ATP8A2: variants seen among roughly 807,000 people sequenced by gnomAD.
ATP8A2 encodes phospholipid-transporting ATPase IB.
A neutral mutation model predicts 165.6 loss-of-function variants in ATP8A2; 100 were observed. That is an observed-to-expected ratio of 0.60 (90% CI 0.51 to 0.71). The LOEUF is 0.71. ATP8A2 is among the 30% of genes least tolerant of loss of function. ATP8A2 has a pLI of 0.00. For missense variants in ATP8A2, 1,227 were observed against 1,479.5 expected, an observed-to-expected ratio of 0.83 and a Z score of 2.80; for synonymous variants, 543 against 548.8, an observed-to-expected ratio of 0.99 and a Z score of 0.15.
At position 25,816,677 on chromosome 13, in the gene ATP8A2, G is replaced by C. The variant is rs1022753103; in HGVS notation, c.2680-11441G>C. On this transcript the variant is annotated intron_variant, in intron 27 of 36. Coordinates refer to ENST00000381655, the MANE Select transcript of ATP8A2 (RefSeq NM_016529.6). ...ATAGCACAGAGCAAAACTTGAAGCA[G>C]GGCCTTAGTAAACAGTTCAGTAACT... Among the ~76,000 whole-genome samples the C allele has an allele frequency of 2.6e-5, 4 of 152,328 alleles. No homozygotes were observed. In the East Asian group the frequency reaches 7.7e-4, roughly 29 times the overall value.
intron 30 of ATP8A2, among the ~76,000 whole-genome samples, chr13:25,848,680 G>A (rs9581464): frequency 0.14 from 22,033 of 152,094 alleles, 1,780 homozygotes; most frequent in Non-Finnish European, 0.18. Flanking sequence ...AGCTTCACCC[G>A]GCAGCGCTGG....
At chr13:25,691,916 A>G (rs1038730197) in intron 24 of ATP8A2, among the ~76,000 whole-genome samples, 7 of 152,240 alleles carry the variant, frequency 4.6e-5, no homozygotes, top group Non-Finnish European at 1.5e-5. Flanking sequence ...GTTTACACTC[A>G]TTAAGTTCTA....
intron 25 of ATP8A2, among the ~76,000 whole-genome samples, chr13:25,739,503 T>A (rs1232443781): frequency 2.0e-5 from 3 of 152,234 alleles, no homozygotes; most frequent in Non-Finnish European, 2.9e-5. Flanking sequence ...AGGTTTTCTC[T>A]TTTTATTTTT....
chr13:25,573,138 T>C (rs2039515296), intron 18 of ATP8A2, among the ~76,000 whole-genome samples: 1 of 152,318 alleles, frequency 6.6e-6, no homozygotes, highest in Non-Finnish European at 1.5e-5. Context: ...TGAGGTCTTT[T>C]TCCCCCCTTC....
intron 33 of ATP8A2, among the ~76,000 whole-genome samples, chr13:25,899,726 G>A (rs1953676878): frequency 1.3e-5 from 2 of 152,290 alleles, no homozygotes; most frequent in South Asian, 2.1e-4. Flanking sequence ...GAAGAGCAGA[G>A]GGGTGCACGG....
intron 2 of ATP8A2, among the ~76,000 whole-genome samples, chr13:25,475,679 T>C (rs2035973870): frequency 6.6e-6 from 1 of 152,202 alleles, no homozygotes; most frequent in Non-Finnish European, 1.5e-5. Context: ...CACCAGCGTA[T>C]GTTATATTTT....
rs115926617 is a variant in ATP8A2 at position 25,842,839 on chromosome 13, G to A, written c.2956+3215G>A. Among the ~76,000 whole-genome samples the A allele has an allele frequency of 4.7e-3, 720 of 152,296 alleles. 4 individuals are homozygous for A. The highest frequency in any genetic ancestry group is 0.016 in the African/African-American group (683 of 41,574). ...ACTGTTTAGGCATTGAAGGGTCAGT[G>A]TAGAATTTAGATCTAGAATTTTATG... On this transcript the variant is annotated intron_variant, in intron 30 of 36. Transcript: ENST00000381655.
chr13:25,614,578 G>A lies in ATP8A2; in HGVS notation c.2211+24879G>A, dbSNP rs150770756. ...TCTTTTGGAGGTGTTAAAGGACATC[G>A]TTTTGTCATATTACCTGAACTATTT... On this transcript the variant is annotated intron_variant, in intron 24 of 36. Coordinates refer to ENST00000381655, the MANE Select transcript of ATP8A2 (RefSeq NM_016529.6). Among the ~76,000 whole-genome samples, 301 of 152,138 alleles carry A rather than the reference G, an allele frequency of 2.0e-3. 1 individual carries two copies. The highest frequency in any genetic ancestry group is 3.3e-3 in the Non-Finnish European group (227 of 68,006).
intron 24 of ATP8A2, among the ~76,000 whole-genome samples, chr13:25,647,638 C>A (rs974312630): frequency 6.6e-6 from 1 of 151,814 alleles, no homozygotes; most frequent in East Asian, 1.9e-4. Context: ...TTGGCACTTT[C>A]CCCCCAGTAA....
intron 35 of ATP8A2, among the ~76,000 whole-genome samples, chr13:25,987,449 C>A (rs1380027989): frequency 6.6e-6 from 1 of 152,198 alleles, no homozygotes. Flanking sequence ...TGGAAGATGG[C>A]AAGGTTCTTG....
At chr13:25,646,165 G>A (rs2041665385) in intron 24 of ATP8A2, among the ~76,000 whole-genome samples, 1 of 152,060 alleles carries the variant, frequency 6.6e-6, no homozygotes, top group Admixed American at 6.6e-5. Context: ...ATTATATAAT[G>A]TCCTTCTTTG....
chr13:25,635,382 A>G lies in ATP8A2; in HGVS notation c.2211+45683A>G, dbSNP rs778742646. Among the ~76,000 whole-genome samples the G allele has an allele frequency of 2.6e-5, 4 of 152,184 alleles. No individual in the cohort carries two copies. In the East Asian group the frequency reaches 7.7e-4, roughly 29 times the overall value. The stretch of plus-strand genomic sequence containing the variant: ...GGGGAGTGTTCTACTAAATATTTGT[A>G]CTGCAGGCTGTGTAAATGAATGTCC... On this transcript the variant is annotated intron_variant, in intron 24 of 36. Coordinates refer to ENST00000381655, the MANE Select transcript of ATP8A2 (RefSeq NM_016529.6).
intron 1 of ATP8A2, among the ~76,000 whole-genome samples, chr13:25,413,642 C>A (rs1377718639): frequency 2.0e-5 from 3 of 152,050 alleles, no homozygotes; most frequent in Admixed American, 6.6e-5. Context: ...TCTGATTTAT[C>A]CTTAAGTGTA....
chr13:25,972,062 A>C (rs1955927495), intron 35 of ATP8A2, among the ~76,000 whole-genome samples: 1 of 152,172 alleles, frequency 6.6e-6, no homozygotes, highest in South Asian at 2.1e-4. Flanking sequence ...TTTTCTTAGG[A>C]ATGTAACCAC....
Position 26,008,036 on chromosome 13 carries a change from C to T in ATP8A2, c.3378-4495C>T, listed in dbSNP as rs188641627. Among the ~76,000 whole-genome samples, 516 of 152,210 alleles carry T rather than the reference C, an allele frequency of 3.4e-3. 8 individuals carry two copies. Among genetic ancestry groups the T allele is most frequent in the African/African-American group, 0.012 (505 of 41,538 alleles). ...GGAAGCCCATGCTTATATGAGAGGTCCAATTTCAGGCTTCCCAATGCTACA... is the reference window on the plus strand; with the variant it reads ...GGAAGCCCATGCTTATATGAGAGGTTCAATTTCAGGCTTCCCAATGCTACA... On this transcript the variant is annotated intron_variant, in intron 35 of 36. Coordinates refer to ENST00000381655, the MANE Select transcript of ATP8A2 (RefSeq NM_016529.6).
intron 33 of ATP8A2, among the ~76,000 whole-genome samples, chr13:25,886,137 A>T (rs1476901251): frequency 6.6e-6 from 1 of 152,220 alleles, no homozygotes; most frequent in East Asian, 1.9e-4. Flanking sequence ...TCTGAAATTG[A>T]CAAGCAATGT....
At chr13:25,770,997 G>C (rs1310120548) in intron 26 of ATP8A2, among the ~76,000 whole-genome samples, 2 of 152,152 alleles carry the variant, frequency 1.3e-5, no homozygotes, top group Non-Finnish European at 2.9e-5. Context: ...TCCAAAGCGG[G>C]GGCTCTGTGT....
intron 1 of ATP8A2, among the ~76,000 whole-genome samples, chr13:25,392,036 G>A (rs1344794857): frequency 1.3e-5 from 2 of 152,194 alleles, no homozygotes; most frequent in Non-Finnish European, 1.5e-5. Flanking sequence ...CTTGTTTAGT[G>A]CTGAGCTGGT....
At chr13:25,497,917 G>A (rs529018849) in intron 2 of ATP8A2, among the ~76,000 whole-genome samples, 4 of 152,160 alleles carry the variant, frequency 2.6e-5, no homozygotes, top group South Asian at 4.2e-4. Context: ...AGCCGAGATC[G>A]CGCCACTGCA....
Sources: allele counts gnomAD v4.1 joint callset (sites outside exome capture counted in the v4.1 genomes callset), GRCh38; gene constraint gnomAD v4.1.1; transcripts MANE v1.5; gene names NCBI Gene and HGNC (gene_info 2026-07-23, HGNC 2026-07-21).